INO80: variants seen among roughly 807,000 people sequenced by gnomAD.
INO80 encodes INO80 complex ATPase subunit.
INO80 carries 20 observed loss-of-function variants against 203.4 expected under a neutral mutation model. The observed-to-expected ratio is 0.10, with a 90% CI of 0.07 to 0.14. The LOEUF (loss-of-function observed/expected upper bound fraction) is 0.14. INO80 is among the 10% of genes least tolerant of loss of function. The pLI, the probability that INO80 is intolerant of heterozygous loss-of-function variation, is 1.00. For missense variants in INO80, 1,419 were observed against 1,914.4 expected, an observed-to-expected ratio of 0.74 and a Z score of 4.83; for synonymous variants, 726 against 685.2, an observed-to-expected ratio of 1.06 and a Z score of -0.93.
At chr15:41,008,174 A>C (rs1326104951) in intron 27 of INO80, among the ~76,000 whole-genome samples, 1 of 151,938 alleles carries the variant, frequency 6.6e-6, no homozygotes, top group Non-Finnish European at 1.5e-5. Context: ...TTGTCTCAAA[A>C]TAAACAAACA....
At chr15:41,085,669 T>C in intron 6 of INO80, 86 bp from the exon 7 acceptor site, 1 of 983,598 alleles carries the variant, frequency 1.0e-6, no homozygotes, top group Non-Finnish European at 1.5e-6. Context: ...GCAAGGTTCT[T>C]TCCTTATTCC....
chr15:41,091,959 T>C, intron 5 of INO80, 68 bp downstream of exon 5: 1 of 1,380,178 alleles, frequency 7.2e-7, no homozygotes, highest in East Asian at 2.3e-5. Context: ...GCCAAAATGA[T>C]GTATCTTTAA....
At chr15:40,989,532 C>T (rs1174188953) in intron 29 of INO80, among the ~76,000 whole-genome samples, 1 of 152,224 alleles carries the variant, frequency 6.6e-6, no homozygotes, top group Non-Finnish European at 1.5e-5. Flanking sequence ...TCTACTGTAA[C>T]AATCCCACTG....
At chr15:41,105,366 G>C (rs1335919532) in intron 1 of INO80, among the ~76,000 whole-genome samples, 1 of 152,136 alleles carries the variant, frequency 6.6e-6, no homozygotes, top group East Asian at 1.9e-4. Context: ...GAGGCTACAT[G>C]CTCACCCATT....
At chr15:41,074,338 A>T in intron 10 of INO80, 32 bp downstream of exon 10, 1 of 1,500,014 alleles carries the variant, frequency 6.7e-7, no homozygotes, top group East Asian at 2.3e-5. Flanking sequence ...AATAAGAGGT[A>T]GCCTTCCTCT....
At chr15:41,068,454 G>A (rs904690918) in intron 14 of INO80, among the ~76,000 whole-genome samples, 3 of 151,808 alleles carry the variant, frequency 2.0e-5, no homozygotes, top group African/African-American at 7.3e-5. Flanking sequence ...CCAGCTACTC[G>A]GGAGGCTGAG....
intron 1 of INO80, among the ~76,000 whole-genome samples, chr15:41,100,830 CTTT>C (rs1190451283): frequency 3.6e-5 from 5 of 138,066 alleles, no homozygotes; most frequent in Admixed American, 7.3e-5. Context: ...ACAATTTTTT[CTTT>C]TTTTTTTTTT....
Position 41,029,079 on chromosome 15 carries a change from T to A in INO80, c.2908-1343A>T, listed in dbSNP as rs577550881. Among the ~76,000 whole-genome samples the A allele has an allele frequency of 2.0e-5, 3 of 152,376 alleles. No homozygotes were observed. The South Asian group carries it at 6.2e-4, about 32-fold the overall frequency. ...TTTACTGATATCTCAATAAGGCAGG[T>A]TGATGACCAAAATAACCATGTAGAT... is the stretch of plus-strand genomic sequence containing the variant. On this transcript the variant is annotated intron_variant, in intron 24 of 35. Coordinates refer to ENST00000648947, the MANE Select transcript of INO80 (RefSeq NM_017553.3).
chr15:41,031,998 G>GACAGC (rs1414668191), intron 24 of INO80, among the ~76,000 whole-genome samples: 11 of 53,892 alleles, frequency 2.0e-4, no homozygotes, highest in African/African-American at 5.1e-4. Flanking sequence ...CACAGCACAG[G>GACAGC]ACAGCACAGC....
At chr15:41,084,188 C>T (rs2045525869) in intron 7 of INO80, among the ~76,000 whole-genome samples, 1 of 147,030 alleles carries the variant, frequency 6.8e-6, no homozygotes, top group South Asian at 2.1e-4. Context: ...ACTATAATTG[C>T]AACTTCTTTA....
intron 25 of INO80, among the ~76,000 whole-genome samples, chr15:41,026,412 G>A (rs1316253415): frequency 1.3e-5 from 2 of 152,002 alleles, no homozygotes; most frequent in African/African-American, 4.8e-5. Flanking sequence ...AAGTAGCCAG[G>A]AGCGGTGGTG....
chr15:41,048,608 C>G (rs530584761), intron 21 of INO80, among the ~76,000 whole-genome samples: 1 of 152,124 alleles, frequency 6.6e-6, no homozygotes, highest in South Asian at 2.1e-4. Context: ...TAAATATTAA[C>G]CTGGAGCTAC....
chr15:41,083,158 G>A (rs1407734849), intron 7 of INO80, among the ~76,000 whole-genome samples: 3 of 151,144 alleles, frequency 2.0e-5, no homozygotes, highest in Non-Finnish European at 4.4e-5. Flanking sequence ...CGTGGCGGGT[G>A]CCTGTAGTCC....
intron 24 of INO80, among the ~76,000 whole-genome samples, chr15:41,034,132 C>T (rs1339398478): frequency 1.3e-5 from 2 of 152,140 alleles, no homozygotes; most frequent in African/African-American, 4.8e-5. Flanking sequence ...GTGTCCTTAG[C>T]CTAGTTCTTA....
At chr15:41,006,698 T>C (rs1163394008) in intron 27 of INO80, among the ~76,000 whole-genome samples, 2 of 152,210 alleles carry the variant, frequency 1.3e-5, no homozygotes, top group African/African-American at 4.8e-5. Flanking sequence ...GCCAAGAACT[T>C]GGCAGAGGTC....
intron 12 of INO80, 99 bp downstream of exon 12, chr15:41,071,750 C>T (rs984838333): frequency 3.4e-5 from 38 of 1,107,218 alleles, no homozygotes; most frequent in Middle Eastern, 3.0e-4. Flanking sequence ...CATGAGCCAC[C>T]GCGCTCAGCC....
At chr15:41,035,714 C>T (rs2044560724) in intron 24 of INO80, among the ~76,000 whole-genome samples, 2 of 141,634 alleles carry the variant, frequency 1.4e-5, no homozygotes, top group Non-Finnish European at 3.0e-5. Flanking sequence ...CCCAGCTACT[C>T]GGGAGGCTGA....
intron 24 of INO80, among the ~76,000 whole-genome samples, chr15:41,029,592 C>T (rs1488628908): frequency 4.6e-5 from 7 of 152,264 alleles, no homozygotes; most frequent in African/African-American, 1.7e-4. Context: ...CTGTCATTAC[C>T]CAAAGAAGAA....
intron 7 of INO80, among the ~76,000 whole-genome samples, chr15:41,081,492 T>G (rs1339954513): frequency 6.6e-6 from 1 of 152,176 alleles, no homozygotes; most frequent in Non-Finnish European, 1.5e-5. Context: ...GTCTCCTAAG[T>G]GTGATTCTAG....
Sources: gnomAD v4.1 joint callset for allele counts (sites outside exome capture counted in the v4.1 genomes callset) on GRCh38, gnomAD v4.1.1 for gene constraint, MANE v1.5 for transcripts, NCBI Gene and HGNC (gene_info 2026-07-23, HGNC 2026-07-21) for gene names.